Variants in SCNN1B observed in about 807,000 individuals in gnomAD.
The protein encoded by SCNN1B is epithelial sodium channel subunit beta.
SCNN1B carries 46 observed loss-of-function variants against 65.3 expected under a neutral mutation model. The observed-to-expected ratio is 0.70, with a 90% CI of 0.56 to 0.90. The LOEUF is 0.90. Ranked by LOEUF, SCNN1B falls within the 40% of genes least tolerant of loss-of-function variation. The pLI is 0.00. For synonymous variants in SCNN1B, 349 were observed against 330.6 expected, an observed-to-expected ratio of 1.06 and a Z score of -0.60; for missense variants, 751 against 830.5, an observed-to-expected ratio of 0.90 and a Z score of 1.18.
chr16:23,343,348 A>T (rs974159828), intron 1 of SCNN1B, among the ~76,000 whole-genome samples: 3 of 151,932 alleles, frequency 2.0e-5, no homozygotes, highest in Non-Finnish European at 4.4e-5. Flanking sequence ...GCTACTCTGG[A>T]GGCTGAGGCA....
chr16:23,280,538 A>G (rs908092502), intron 1 of SCNN1B, among the ~76,000 whole-genome samples: 5 of 152,136 alleles, frequency 3.3e-5, no homozygotes, highest in African/African-American at 1.2e-4. Flanking sequence ...TATTATTATG[A>G]GCTCTAGTTT....
At chr16:23,338,308 T>G (rs1451279782) in intron 1 of SCNN1B, among the ~76,000 whole-genome samples, 1 of 152,192 alleles carries the variant, frequency 6.6e-6, no homozygotes, top group Admixed American at 6.5e-5. Context: ...CTTCTTCACT[T>G]TTTCTGGCCT....
chr16:23,286,190 T>C (rs1960847945), intron 2 of SCNN1B, among the ~76,000 whole-genome samples: 1 of 152,158 alleles, frequency 6.6e-6, no homozygotes, highest in Non-Finnish European at 1.5e-5. Flanking sequence ...GAAGCTCTTC[T>C]TTAAGGAAGA....
At chr16:23,370,555 G>A (rs936719074) in intron 5 of SCNN1B, among the ~76,000 whole-genome samples, 1 of 152,192 alleles carries the variant, frequency 6.6e-6, no homozygotes, top group Non-Finnish European at 1.5e-5. Flanking sequence ...CTTCCCTTGA[G>A]AACAGTCAAG....
At chr16:23,349,373 G>C (rs1394790957) in intron 2 of SCNN1B, among the ~76,000 whole-genome samples, 1 of 152,172 alleles carries the variant, frequency 6.6e-6, no homozygotes, top group Non-Finnish European at 1.5e-5. Flanking sequence ...TGTGGTCTGA[G>C]CTGCATAGGA....
At chr16:23,353,109 C>T in intron 3 of SCNN1B, 35 bp downstream of exon 3, 2 of 1,611,428 alleles carry the variant, frequency 1.2e-6, no homozygotes. Context: ...AAGCAATGGG[C>T]CCCACCCAGT....
intron 1 of SCNN1B, among the ~76,000 whole-genome samples, chr16:23,327,898 G>A (rs571934582): frequency 1.3e-5 from 2 of 152,312 alleles, no homozygotes; most frequent in South Asian, 4.1e-4. Context: ...TCACAGCTAT[G>A]ACCACATCTT....
intron 1 of SCNN1B, among the ~76,000 whole-genome samples, chr16:23,316,375 C>T (rs1013422016): frequency 3.4e-5 from 5 of 149,168 alleles, no homozygotes; most frequent in Non-Finnish European, 7.4e-5. Context: ...TCACCATCAC[C>T]ATCCTCACCA....
intron 7 of SCNN1B, among the ~76,000 whole-genome samples, chr16:23,372,871 G>A (rs754823007): frequency 6.7e-5 from 10 of 149,996 alleles, no homozygotes; most frequent in African/African-American, 2.2e-4. Context: ...AGTGCGAAGC[G>A]GGTACATCAC....
chr16:23,341,109 T>C (rs1246246236), intron 1 of SCNN1B, among the ~76,000 whole-genome samples: 1 of 152,204 alleles, frequency 6.6e-6, no homozygotes, highest in Non-Finnish European at 1.5e-5. Context: ...CTTAACAATA[T>C]TGAGTCTTCT....
intron 4 of SCNN1B, among the ~76,000 whole-genome samples, chr16:23,363,562 C>T (rs1962592934): frequency 6.6e-6 from 1 of 152,192 alleles, no homozygotes; most frequent in African/African-American, 2.4e-5. Context: ...CCTATAATCC[C>T]AGCATTTAGG....
At chr16:23,377,078 GA>G in intron 8 of SCNN1B, 86 bp from the exon 9 acceptor site, 1 of 1,211,178 alleles carries the variant, frequency 8.3e-7, no homozygotes, top group Non-Finnish European at 1.2e-6. Flanking sequence ...CAGGAGAGCA[GA>G]GGGGCCAGCC....
rs1402579401 is a variant in SCNN1B at position 23,380,023 on chromosome 16, T to TGC, written c.1467-69_1467-68dup. The TGC allele has an allele frequency of 2.7e-6, 3 of 1,124,688 alleles. No individual in the cohort carries two copies. The highest frequency in any genetic ancestry group is 4.1e-6 in the Non-Finnish European group (3 of 733,568). The allele number at this position is 1,124,688 out of a possible 1,614,324, so 69.7% of individuals were successfully genotyped here. Reference sequence around the variant, plus strand: ...GTGCATGTGTGTGCATGTGTCTATGTGCGTGTGTGTGTGTCTGTCTGTTTG... The same window carrying TGC: ...GTGCATGTGTGTGCATGTGTCTATGTGCGCGTGTGTGTGTGTCTGTCTGTTTG... On this transcript the variant is annotated intron_variant, in intron 11 of 12. Coordinates refer to ENST00000343070, the MANE Select transcript of SCNN1B (RefSeq NM_000336.3). The surrounding 1 kb of genome is among the most constrained non-coding windows in gnomAD (Gnocchi z 5.4).
At chr16:23,347,329 A>C (rs1044425350) in intron 1 of SCNN1B, among the ~76,000 whole-genome samples, 4 of 152,118 alleles carry the variant, frequency 2.6e-5, no homozygotes, top group Non-Finnish European at 4.4e-5. Context: ...AGTCCATAGC[A>C]CTTTTTGTGC....
intron 1 of SCNN1B, among the ~76,000 whole-genome samples, chr16:23,335,459 C>CT (rs34325892): frequency 7.6e-4 from 105 of 137,520 alleles, no homozygotes; most frequent in Non-Finnish European, 1.1e-3. Context: ...CCTGTATTTT[C>CT]TTTTTTTTTT....
intron 2 of SCNN1B, 84 bp from the exon 3 acceptor site, chr16:23,352,717 T>C: frequency 6.9e-7 from 1 of 1,446,168 alleles, no homozygotes; most frequent in South Asian, 1.1e-5. Context: ...GAAAACAGAC[T>C]ACTATGGAGT....
At chr16:23,298,947 C>A (rs1961034841), upstream of SCNN1B, among the ~76,000 whole-genome samples, 2 of 151,994 alleles carry the variant, frequency 1.3e-5, no homozygotes, top group Non-Finnish European at 2.9e-5. Context: ...ACAGGGGACT[C>A]ATTCTAAAAC....
Position 23,380,699 on chromosome 16 carries a change from G to A in SCNN1B, c.1821G>A (p.Glu607=). The change falls in exon 13 of 13, where the codon GAG becomes GAA. Residue 607 remains glutamate, a synonymous_variant. Transcript: ENST00000343070. The surrounding 1 kb of genome is among the most constrained non-coding windows in gnomAD (Gnocchi z 5.4). Reference sequence around the variant, plus strand: ...CCAACACTGGGCCCTACCCCAGTGAGCAGGCCCTGCCCATCCCAGGCACCC... The same window carrying A: ...CCAACACTGGGCCCTACCCCAGTGAACAGGCCCTGCCCATCCCAGGCACCC... ...RSPNTGPYPS[E]QALPIPGTPP... 1 of 1,612,148 alleles carries A rather than the reference G, an allele frequency of 6.2e-7. No individual in the cohort carries two copies. The highest frequency in any genetic ancestry group is 2.2e-5 in the East Asian group (1 of 44,848).
At chr16:23,334,924 A>G (rs190609897) in intron 1 of SCNN1B, among the ~76,000 whole-genome samples, 1 of 152,228 alleles carries the variant, frequency 6.6e-6, no homozygotes, top group Non-Finnish European at 1.5e-5. Flanking sequence ...GCCCATACTT[A>G]GTATTATGGA....
Sources: gnomAD v4.1 joint callset for allele counts (sites outside exome capture counted in the v4.1 genomes callset) on GRCh38, gnomAD v4.1.1 for gene constraint, Gnocchi (gnomAD v3.1) non-coding constraint, MANE v1.5 for transcripts, NCBI Gene and HGNC (gene_info 2026-07-23, HGNC 2026-07-21) for gene names.